The following PRKG1 variants were observed in gnomAD, a reference collection of about 807,000 sequenced individuals.
PRKG1 encodes the protein cGMP-dependent protein kinase 1.
Under a neutral mutation model 88.1 loss-of-function variants are expected in PRKG1, and 35 were observed. The ratio of observed to expected loss-of-function variants is 0.40; its 90% CI spans 0.30 to 0.53. The LOEUF (loss-of-function observed/expected upper bound fraction) is 0.53, where lower values mean the gene tolerates loss of function less well. Among genes scored for constraint, PRKG1 ranks in the 20% least tolerant of loss-of-function variants. The pLI is 0.59. For synonymous variants in PRKG1, 303 were observed against 292.5 expected (o/e 1.04, Z -0.37); for missense variants, 540 against 839.8 (o/e 0.64, Z 4.41).
chr10:51,350,892 T>A (rs1842226735), intron 2 of PRKG1, among the ~76,000 whole-genome samples: 1 of 152,190 alleles, frequency 6.6e-6, no homozygotes, highest in Admixed American at 6.5e-5. Context: ...ATTAGGTATT[T>A]CTCCTAATGC....
At chr10:51,045,740 T>C (rs1843481249) in intron 1 of PRKG1, among the ~76,000 whole-genome samples, 1 of 152,238 alleles carries the variant, frequency 6.6e-6, no homozygotes, top group Non-Finnish European at 1.5e-5. Context: ...TGTTATGTCA[T>C]AAAATATTTT....
intron 2 of PRKG1, among the ~76,000 whole-genome samples, chr10:51,426,201 A>C (rs1838577750): frequency 6.6e-6 from 1 of 152,138 alleles, no homozygotes; most frequent in African/African-American, 2.4e-5. Context: ...GAGTCGCTTG[A>C]ACCTGGGAGG....
intron 3 of PRKG1, among the ~76,000 whole-genome samples, chr10:51,701,299 CA>C (rs35197923): frequency 2.0e-4 from 30 of 151,930 alleles, no homozygotes; most frequent in Non-Finnish European, 2.9e-4. Flanking sequence ...TAAATTTCAG[CA>C]AAAAAATTGT....
In PRKG1 at chr10:51,941,644, C is replaced by T. The variant is rs559381333; in HGVS notation, c.762+34074C>T. Among the ~76,000 whole-genome samples, 8 of 149,048 alleles carry T rather than the reference C, an allele frequency of 5.4e-5. No individual in the cohort carries two copies. In the East Asian group the frequency reaches 7.9e-4, roughly 15 times the overall value. On this transcript the variant is annotated intron_variant, in intron 5 of 17. Coordinates refer to ENST00000373980, the MANE Select transcript of PRKG1 (RefSeq NM_006258.4). ...ACAGTCCCCAGAGTGTGATGTTCCC[C>T]GTCCTGTGTCCATCTGTTCTCATTG... is the stretch of plus-strand genomic sequence containing the variant.
chr10:51,517,874 T>C (rs1360010402), intron 3 of PRKG1, among the ~76,000 whole-genome samples: 1 of 152,214 alleles, frequency 6.6e-6, no homozygotes, highest in African/African-American at 2.4e-5. Context: ...GACTCAGGCC[T>C]GGGTTTCCAT....
chr10:51,493,721 C>A (rs905532301), intron 3 of PRKG1, among the ~76,000 whole-genome samples: 1 of 152,108 alleles, frequency 6.6e-6, no homozygotes, highest in Non-Finnish European at 1.5e-5. Flanking sequence ...AAAATTGGAG[C>A]TTTGACCCTG....
intron 3 of PRKG1, among the ~76,000 whole-genome samples, chr10:51,473,499 A>G (rs913411680): frequency 2.0e-5 from 3 of 151,934 alleles, no homozygotes; most frequent in Admixed American, 6.6e-5. Flanking sequence ...TATATTGACC[A>G]GGCCTGGTAG....
chr10:51,407,959 T>A (rs1837968651), intron 2 of PRKG1, among the ~76,000 whole-genome samples: 1 of 151,578 alleles, frequency 6.6e-6, no homozygotes, highest in Admixed American at 6.6e-5. Context: ...TTCAGTTCAA[T>A]GGAATCATTA....
At chr10:51,880,089 G>T (rs1017244766) in intron 4 of PRKG1, among the ~76,000 whole-genome samples, 2 of 152,150 alleles carry the variant, frequency 1.3e-5, no homozygotes, top group African/African-American at 4.8e-5. Flanking sequence ...ATCAGAAAGA[G>T]ATACCTCGTT....
chr10:51,569,065 A>G (rs76987163), intron 3 of PRKG1, among the ~76,000 whole-genome samples: 203 of 152,180 alleles, frequency 1.3e-3, no homozygotes, highest in African/African-American at 4.2e-3. Context: ...ATGAGCTGTT[A>G]ACCCTATACC....
intron 9 of PRKG1, among the ~76,000 whole-genome samples, chr10:52,235,187 A>T (rs1195903987): frequency 1.6e-4 from 16 of 102,778 alleles, no homozygotes; most frequent in Admixed American, 4.6e-4. Context: ...GAAAGGAACA[A>T]CCGGTACCAG....
chr10:52,105,469 A>G (rs1257483225), intron 7 of PRKG1, among the ~76,000 whole-genome samples: 1 of 152,182 alleles, frequency 6.6e-6, no homozygotes, highest in African/African-American at 2.4e-5. Context: ...TTGCTAAATT[A>G]TCCTTGGCTT....
intron 2 of PRKG1, among the ~76,000 whole-genome samples, chr10:51,402,416 T>C (rs975177287): frequency 6.6e-6 from 1 of 152,222 alleles, no homozygotes; most frequent in Admixed American, 6.5e-5. Context: ...AAAAGGGTCA[T>C]TGCATTTACC....
At chr10:51,217,031 T>C (rs1838389759) in intron 2 of PRKG1, among the ~76,000 whole-genome samples, 2 of 152,132 alleles carry the variant, frequency 1.3e-5, no homozygotes, top group Non-Finnish European at 2.9e-5. Context: ...GAAAATGATC[T>C]CCTGTGCAGA....
At chr10:51,608,231 AC>A (rs1409341200) in intron 3 of PRKG1, among the ~76,000 whole-genome samples, 1 of 152,228 alleles carries the variant, frequency 6.6e-6, no homozygotes, top group Non-Finnish European at 1.5e-5. Flanking sequence ...AAGTCAGTAC[AC>A]CAAGACACTA....
chr10:52,129,089 A>T (rs183351053), intron 7 of PRKG1, among the ~76,000 whole-genome samples: 1 of 152,160 alleles, frequency 6.6e-6, no homozygotes. Context: ...AAAAGTACAA[A>T]TGAAAGTAAG....
At position 50,991,699 on chromosome 10, in the gene PRKG1, T is replaced by C. The variant is rs964277663; in HGVS notation, c.266+55T>C. 3 of 1,200,942 alleles carry C rather than the reference T, an allele frequency of 2.5e-6. No homozygotes were observed. The African/African-American group carries it at 4.9e-5, about 20-fold the overall frequency. 74.4% of individuals were successfully genotyped at this position (1,200,942 alleles called of 1,614,324 possible). ...TCGTCCCGGCCCGCGGCGCAGAGGCTGGGGGCTCTGGCCGCGGCGGCGGGG... is the reference window on the plus strand; with the variant it reads ...TCGTCCCGGCCCGCGGCGCAGAGGCCGGGGGCTCTGGCCGCGGCGGCGGGG... On this transcript the variant is annotated intron_variant, in intron 1 of 17. Coordinates refer to the PRKG1 transcript ENST00000401604. This position sits in a 1 kb window ranked among gnomAD's most constrained non-coding sequence, Gnocchi z 4.5.
intron 4 of PRKG1, among the ~76,000 whole-genome samples, chr10:51,902,334 T>C (rs910623845): frequency 9.2e-5 from 14 of 152,128 alleles, no homozygotes; most frequent in African/African-American, 2.9e-4. Context: ...CAGGCTGGTC[T>C]TGAACTCCCG....
chr10:51,326,408 C>G (rs1841593962), intron 2 of PRKG1, among the ~76,000 whole-genome samples: 1 of 152,066 alleles, frequency 6.6e-6, no homozygotes, highest in African/African-American at 2.4e-5. Flanking sequence ...TTAAATTGCT[C>G]CAGACACATA....
Sources: allele counts gnomAD v4.1 joint callset (sites outside exome capture counted in the v4.1 genomes callset), GRCh38; gene constraint gnomAD v4.1.1; non-coding constraint Gnocchi (gnomAD v3.1); transcripts MANE v1.5; gene names NCBI Gene and HGNC (gene_info 2026-07-23, HGNC 2026-07-21).